The following AGBL1 variants were observed in gnomAD, a reference collection of about 807,000 sequenced individuals.
AGBL1 encodes AGBL carboxypeptidase 1, also known as cytosolic carboxypeptidase 4.
AGBL1 carries 130 observed loss-of-function variants against 118.9 expected under a neutral mutation model. The observed-to-expected ratio is 1.09, with a 90% CI of 0.95 to 1.26. AGBL1 has a LOEUF of 1.26. Among genes scored for constraint, AGBL1 ranks in the 50% most tolerant of loss-of-function variants. AGBL1 has a pLI of 0.00. For synonymous variants in AGBL1, 555 were observed against 478.9 expected (o/e 1.16, Z -2.08); for missense variants, 1,584 against 1,298.1 (o/e 1.22, Z -3.38).
chr15:86,280,596 G>A (rs529537622), intron 16 of AGBL1, among the ~76,000 whole-genome samples: 1 of 152,302 alleles, frequency 6.6e-6, no homozygotes, highest in African/African-American at 2.4e-5. Context: ...CTATGTTAAT[G>A]TAAAATGTTA....
chr15:86,247,982 C>T (rs894146233), intron 7 of AGBL1, 103 bp downstream of exon 7: 2 of 1,417,240 alleles, frequency 1.4e-6, no homozygotes, highest in African/African-American at 2.8e-5. Context: ...ACGCCTCAGT[C>T]TATTTCTTGT....
intron 1 of AGBL1, among the ~76,000 whole-genome samples, chr15:86,104,793 G>A (rs1226494244): frequency 1.3e-5 from 2 of 152,174 alleles, no homozygotes; most frequent in Non-Finnish European, 2.9e-5. Flanking sequence ...AGGACTTGTG[G>A]GGGTGGTTGT....
intron 23 of AGBL1, among the ~76,000 whole-genome samples, chr15:86,984,373 T>C (rs1044135311): frequency 1.2e-4 from 18 of 151,394 alleles, no homozygotes; most frequent in Admixed American, 5.3e-4. Flanking sequence ...CTTTTTTTTT[T>C]TTTTTCCTGG....
At chr15:86,100,219 A>T (rs535013636) in intron 1 of AGBL1, among the ~76,000 whole-genome samples, 1 of 152,254 alleles carries the variant, frequency 6.6e-6, no homozygotes, top group African/African-American at 2.4e-5. Flanking sequence ...TTTATGATGC[A>T]TGTTAGATTT....
chr15:86,168,062 G>T (rs2077366177), intron 5 of AGBL1, among the ~76,000 whole-genome samples: 1 of 152,172 alleles, frequency 6.6e-6, no homozygotes, highest in Non-Finnish European at 1.5e-5. Flanking sequence ...TGCCTGAGTT[G>T]TCCTCTTTTA....
chr15:86,626,563 T>C (rs1263810252), intron 21 of AGBL1, among the ~76,000 whole-genome samples: 1 of 152,134 alleles, frequency 6.6e-6, no homozygotes, highest in Admixed American at 6.6e-5. Context: ...CTAGGCTTAA[T>C]AGCTGGGTGA....
In AGBL1 at chr15:86,522,667, A is replaced by G. The variant is rs919008883; in HGVS notation, c.2556-143A>G. 7.8e-6 allele frequency: 8 copies of G among 1,024,776 alleles called. No individual in the cohort carries two copies. The Admixed American group carries it at 1.6e-4, about 20-fold the overall frequency. The allele number at this position is 1,024,776 out of a possible 1,614,324, so 63.5% of individuals were successfully genotyped here. On this transcript the variant is annotated intron_variant, in intron 18 of 22. Coordinates refer to ENST00000614907, the MANE Select transcript of AGBL1 (RefSeq NM_001386094.1). ...AAAGGACAGATCTACAGCTTTCTAG[A>G]CATCTGAAATTGATGCCAATTGGGA...
intron 21 of AGBL1, among the ~76,000 whole-genome samples, chr15:86,590,921 A>G (rs1412414288): frequency 6.6e-6 from 1 of 152,218 alleles, no homozygotes; most frequent in Non-Finnish European, 1.5e-5. Flanking sequence ...AAATGAGAAA[A>G]TATACATTGA....
At chr15:86,465,666 C>G (rs781330754) in intron 18 of AGBL1, among the ~76,000 whole-genome samples, 52 of 152,112 alleles carry the variant, frequency 3.4e-4, no homozygotes, top group Admixed American at 8.5e-4. Context: ...TGAAATATGC[C>G]CTGGTCTCCT....
chr15:86,255,224 T>C (rs1444685161), intron 7 of AGBL1, among the ~76,000 whole-genome samples: 2 of 152,210 alleles, frequency 1.3e-5, no homozygotes, highest in Non-Finnish European at 2.9e-5. Flanking sequence ...TGCTTCCTCC[T>C]TGAGACTCTG....
intron 1 of AGBL1, among the ~76,000 whole-genome samples, chr15:86,136,982 T>C (rs931965530): frequency 2.0e-5 from 3 of 152,182 alleles, no homozygotes; most frequent in African/African-American, 7.2e-5. Context: ...GATTACTCAA[T>C]GTTTCATTTC....
intron 20 of AGBL1, among the ~76,000 whole-genome samples, chr15:86,549,884 T>G (rs1038022137): frequency 0.015 from 281 of 18,948 alleles, no homozygotes; most frequent in Middle Eastern, 0.071. Flanking sequence ...GGGAGGGGAG[T>G]GGAGGGAGGG....
At chr15:86,355,637 T>C (rs2080701550) in intron 17 of AGBL1, among the ~76,000 whole-genome samples, 1 of 152,228 alleles carries the variant, frequency 6.6e-6, no homozygotes. Context: ...TATATATACA[T>C]GCAGATATAT....
intron 22 of AGBL1, among the ~76,000 whole-genome samples, chr15:86,884,793 T>C (rs1476977393): frequency 6.6e-6 from 1 of 150,718 alleles, no homozygotes; most frequent in African/African-American, 2.5e-5. Context: ...GCCTGGGTGA[T>C]AGAGCCAGAC....
rs376570929 is a variant in AGBL1, at chr15:86,267,088, A to G, written c.1838+12A>G. 1 of 1,550,860 alleles carries G rather than the reference A, an allele frequency of 6.4e-7. No homozygotes were observed. Among genetic ancestry groups the G allele is most frequent in the African/African-American group, 1.4e-5 (1 of 73,228 alleles). On this transcript the variant is annotated intron_variant, in intron 13 of 22. Coordinates refer to ENST00000614907, the MANE Select transcript of AGBL1 (RefSeq NM_001386094.1). ...ATCCAAGTGCGTGAGTAAGTAAGGA[A>G]AACCACAGTGGGTGTCTCCTGTCAG... is the stretch of plus-strand genomic sequence containing the variant.
At chr15:86,294,356 G>A (rs11855066) in intron 16 of AGBL1, among the ~76,000 whole-genome samples, 24,078 of 140,646 alleles carry the variant, frequency 0.17, 2,129 homozygotes, top group Admixed American at 0.22. Flanking sequence ...CTGAGATTGC[G>A]CCACTGCACT....
At chr15:86,436,179 C>T (rs1383487370) in intron 18 of AGBL1, among the ~76,000 whole-genome samples, 3 of 145,392 alleles carry the variant, frequency 2.1e-5, no homozygotes, top group Non-Finnish European at 4.5e-5. Context: ...TCTTACCGCT[C>T]TCTGTGGTGG....
intron 22 of AGBL1, among the ~76,000 whole-genome samples, chr15:86,820,838 C>T (rs950181501): frequency 1.3e-5 from 2 of 152,016 alleles, no homozygotes; most frequent in African/African-American, 4.8e-5. Context: ...GGGTAGATAC[C>T]CAAAGGATTA....
In AGBL1 at chr15:86,264,340, C is replaced by A. The variant is rs1418271607; in HGVS notation, c.1169C>A (p.Ser390Tyr). The A allele has an allele frequency of 1.9e-6, 3 of 1,612,962 alleles. No individual in the cohort carries two copies. Among genetic ancestry groups the A allele is most frequent in the Non-Finnish European group, 2.5e-6 (3 of 1,179,462 alleles). Residue 390 changes from serine (S) to tyrosine (Y), a missense_variant, in exon 11 of 23, where the codon TCC (serine) becomes TAC (tyrosine). Coordinates refer to ENST00000614907, the MANE Select transcript of AGBL1 (RefSeq NM_001386094.1). ...CACCACCACATTCCAGCCGCTGCCT[C>A]CTCAAAACAGCATTGCTACAGCAAG... ...ANHHHIPAAA[S>Y]SKQHCYSKDQ...
Sources: gnomAD v4.1 joint callset for allele counts (sites outside exome capture counted in the v4.1 genomes callset) on GRCh38, gnomAD v4.1.1 for gene constraint, MANE v1.5 for transcripts, NCBI Gene and HGNC (gene_info 2026-07-23, HGNC 2026-07-21) for gene names.